The following RYR1 variants were observed in gnomAD, a reference collection of about 807,000 sequenced individuals.
RYR1 encodes central core disease of muscle.
In RYR1, 342 loss-of-function variants were observed where a neutral mutation model predicts 583.5. The observed-to-expected ratio is 0.59, with a 90% CI of 0.54 to 0.64. The LOEUF (loss-of-function observed/expected upper bound fraction) is 0.64. RYR1 is among the 30% of genes least tolerant of loss of function. The probability of loss-of-function intolerance (pLI) is 0.00; values close to 1 mark genes in which losing one functional copy is unlikely to be tolerated. For synonymous variants in RYR1, 2,791 were observed against 2,822.5 expected (o/e 0.99, Z 0.35); for missense variants, 6,032 against 6,917.2 (o/e 0.87, Z 4.54).
chr19:38,566,448 C>CAA (rs71165563), intron 91 of RYR1, among the ~76,000 whole-genome samples: 1,433 of 50,982 alleles, frequency 0.028, 136 homozygotes, highest in East Asian at 0.078. Flanking sequence ...GACTCTGTCT[C>CAA]AAAAAAAAAA....
rs141444525 is a variant in RYR1, at chr19:38,459,173, C to T, written c.2195C>T (p.Pro732Leu). 7.4e-6 allele frequency: 12 copies of T among 1,613,770 alleles called. No homozygotes were observed. Among genetic ancestry groups the T allele is most frequent in the Admixed American group, 6.7e-5 (4 of 60,012 alleles). ...CACGTGGCACGCCCAGTGACTTCCC[C>T]AGGGCAGCACCTCCTGGCCCCTGAA... ...TGHVARPVTS[P>L]GQHLLAPEDV... Residue 732 changes from proline (P) to leucine (L), a missense_variant, in exon 19 of 106, where the codon CCA (proline) becomes CTA (leucine). By Grantham distance (98) the Pro-to-Leu change is moderately conservative. Coordinates refer to ENST00000359596, the MANE Select transcript of RYR1 (RefSeq NM_000540.3).
At chr19:38,487,265 CCTT>C (rs1307854580) in intron 34 of RYR1, among the ~76,000 whole-genome samples, 1 of 152,178 alleles carries the variant, frequency 6.6e-6, no homozygotes, top group Non-Finnish European at 1.5e-5. Context: ...CGTTCCCTAT[CCTT>C]CTCTCCATCC....
chr19:38,492,744 T>C (rs1969613393), intron 38 of RYR1, 108 bp downstream of exon 38: 2 of 1,200,294 alleles, frequency 1.7e-6, no homozygotes, highest in East Asian at 2.6e-5. Context: ...AAGGGAGGGG[T>C]AGATAGGCAG....
Position 38,502,655 on chromosome 19 carries a change from G to C in RYR1, c.7763G>C (p.Arg2588Pro). 4 of 1,612,382 alleles carry C rather than the reference G, an allele frequency of 2.5e-6. No individual in the cohort carries two copies. The highest frequency in any genetic ancestry group is 3.4e-6 in the Non-Finnish European group (4 of 1,179,898). ...GACTCTATGCTGCATACCGTGTACC[G>C]CCTGTCTCGGGGTCGTTCGCTCACC... ...MVDSMLHTVY[R>P]LSRGRSLTKA... The change falls in exon 48 of 106, where the codon CGC (arginine) becomes CCC (proline). Residue 2588 changes from arginine to proline, a missense_variant. By Grantham distance (103) the Arg-to-Pro change is moderately radical. Coordinates refer to ENST00000359596, the MANE Select transcript of RYR1 (RefSeq NM_000540.3).
At chr19:38,518,201 AAGGAAGGC>A (rs891511223) in intron 66 of RYR1, among the ~76,000 whole-genome samples, 40 of 151,774 alleles carry the variant, frequency 2.6e-4, no homozygotes, top group African/African-American at 9.7e-4. Flanking sequence ...GGAAAGAAGG[AAGGAAGGC>A]AGGAAGGAAG....
Position 38,565,627 on chromosome 19 carries a change from G to A in RYR1, c.13293G>A (p.Pro4431=), listed in dbSNP as rs1161719553. The part of the protein sequence containing the change: ...DEEEAVHEAG[P]GGADGAVAVT... ...AGGAGGCGGTGCACGAGGCCGGGCC[G>A]GGCGGTGCCGACGGGGCGGTGGCCG... Residue 4431 remains proline (P), a synonymous_variant, in exon 91 of 106, where the codon CCG becomes CCA. Coordinates refer to ENST00000359596, the MANE Select transcript of RYR1 (RefSeq NM_000540.3). This position sits in a 1 kb window ranked among gnomAD's most constrained non-coding sequence, Gnocchi z 4.7. 33 of 1,405,190 alleles carry A rather than the reference G, an allele frequency of 2.3e-5. No individual in the cohort carries two copies. The highest frequency in any genetic ancestry group is 3.0e-5 in the East Asian group (1 of 33,604). The allele number at this position is 1,405,190 out of a possible 1,614,324, so 87.0% of individuals were successfully genotyped here. A position where few individuals can be genotyped will look rare whatever the true frequency, so the allele number is the denominator to read the frequency against.
intron 90 of RYR1, among the ~76,000 whole-genome samples, chr19:38,563,846 G>A (rs1431602867): frequency 1.3e-5 from 2 of 152,216 alleles, no homozygotes; most frequent in Non-Finnish European, 2.9e-5. Flanking sequence ...CTCTCTGGGG[G>A]TTCGAATCCT....
At chr19:38,519,017 A>G (rs900952977) in intron 66 of RYR1, among the ~76,000 whole-genome samples, 197 bp from the exon 67 acceptor site, 11 of 151,706 alleles carry the variant, frequency 7.3e-5, no homozygotes, top group Non-Finnish European at 1.6e-4. Context: ...GTCACAGGAT[A>G]GGGACTGGGT....
intron 84 of RYR1, among the ~76,000 whole-genome samples, chr19:38,538,829 A>T (rs1353636603): frequency 6.6e-6 from 1 of 152,366 alleles, no homozygotes; most frequent in East Asian, 1.9e-4. Context: ...AACATCAATG[A>T]TGAGAAATGC....
Position 38,458,208 on chromosome 19 carries a change from C to A in RYR1, c.2083C>A (p.Pro695Thr). Reference protein sequence around the residue: ...WALTEGYTPYPGAGEGWGGNG... With the variant: ...WALTEGYTPYTGAGEGWGGNG... ...CCTCACCGAGGGCTACACCCCCTAC[C>A]CTGGGGCCGGCGAGGGCTGGGGCGG... Residue 695 changes from proline to threonine, a missense_variant, in exon 18 of 106, where the codon CCT becomes ACT. Around this residue, in one of 11 missense-constraint regions of RYR1, gnomAD observed 2,627 missense variants for 2,961.3 expected, o/e 0.89. Coordinates refer to ENST00000359596, the MANE Select transcript of RYR1 (RefSeq NM_000540.3). 6.2e-7 allele frequency: 1 copy of A among 1,613,970 alleles called. No individual in the cohort carries two copies. Among genetic ancestry groups the A allele is most frequent in the Non-Finnish European group, 8.5e-7 (1 of 1,180,020 alleles).
At position 38,464,764 on chromosome 19, in the gene RYR1, G is replaced by A. The variant is rs745419168; in HGVS notation, c.2870+42G>A. On this transcript the variant is annotated intron_variant, in intron 23 of 105. Transcript: ENST00000359596. ...AGGTCCCGTCTGGGGATGGACTGGG[G>A]GCTGGGGATGCTGTGCTAAGGGCTG... is the stretch of plus-strand genomic sequence containing the variant. The A allele has an allele frequency of 2.0e-6, 3 of 1,528,202 alleles. No homozygotes were observed. The South Asian group carries it at 3.6e-5, about 18-fold the overall frequency. 94.7% of individuals were successfully genotyped at this position (1,528,202 alleles called of 1,614,324 possible). A position where few individuals can be genotyped will look rare whatever the true frequency, so the allele number is the denominator to read the frequency against.
In RYR1 at chr19:38,500,754, G is replaced by C; in HGVS notation, c.7444+28G>C. The C allele has an allele frequency of 1.2e-6, 2 of 1,614,144 alleles. No individual in the cohort carries two copies. The highest frequency in any genetic ancestry group is 1.7e-6 in the Non-Finnish European group (2 of 1,180,028). On this transcript the variant is annotated intron_variant, in intron 46 of 105. Transcript: ENST00000359596. This position sits in a 1 kb window ranked among gnomAD's most constrained non-coding sequence, Gnocchi z 5.9. ...GCAGAGGGGATGGAACTTGGCGAAGGAGTGATGCTGGGGAGGGAGCGGCTG... is the reference window on the plus strand; with the variant it reads ...GCAGAGGGGATGGAACTTGGCGAAGCAGTGATGCTGGGGAGGGAGCGGCTG...
rs1972823310 is a variant in RYR1 at position 38,444,080 on chromosome 19, G to A, written c.425-69G>A. ...GGGCCCGGGAGGCCTGGTGGAGGGA[G>A]AGCCCTGGGGAAGAGCATTCTGGGA... On this transcript the variant is annotated intron_variant, in intron 5 of 105. Coordinates refer to ENST00000359596, the MANE Select transcript of RYR1 (RefSeq NM_000540.3). This position sits in a 1 kb window ranked among gnomAD's most constrained non-coding sequence, Gnocchi z 5.1. The A allele has an allele frequency of 4.5e-6, 6 of 1,346,426 alleles. No individual in the cohort carries two copies. In the South Asian group the frequency reaches 5.8e-5, roughly 13 times the overall value. The allele number at this position is 1,346,426 out of a possible 1,614,324, so 83.4% of individuals were successfully genotyped here.
intron 105 of RYR1, among the ~76,000 whole-genome samples, chr19:38,586,902 C>T (rs377667901): frequency 6.6e-6 from 1 of 152,018 alleles, no homozygotes; most frequent in Non-Finnish European, 1.5e-5. Context: ...ACCCAGGAGG[C>T]AGAAGTTGCA....
At chr19:38,490,506 C>T in intron 36 of RYR1, 115 bp from the exon 37 acceptor site, 1 of 818,858 alleles carries the variant, frequency 1.2e-6, no homozygotes, top group Non-Finnish European at 2.1e-6. Flanking sequence ...TTCATTAACT[C>T]ACACTTCGAC....
At chr19:38,452,722 G>A (rs1274368369) in intron 12 of RYR1, 97 bp from the exon 13 acceptor site, 2 of 1,107,358 alleles carry the variant, frequency 1.8e-6, no homozygotes, top group African/African-American at 1.6e-5. Flanking sequence ...TGTAAAACGG[G>A]TGGGTCTGGG....
chr19:38,455,601 C>T (rs528450368), intron 15 of RYR1, 32 bp from the exon 16 acceptor site: 32 of 1,609,414 alleles, frequency 2.0e-5, no homozygotes, highest in South Asian at 1.2e-4. Context: ...TGGGCATGGC[C>T]GCTTCACCTC....
At position 38,440,813 on chromosome 19, in the gene RYR1, C is replaced by T. The variant is rs150794120; in HGVS notation, c.114C>T (p.Ala38=). Residue 38 remains alanine, a synonymous_variant, in exon 2 of 106, where the codon GCC becomes GCT. Transcript: ENST00000359596. ...AGCAGCTCAAGCTCTGCCTGGCCGCCGAGGGCTTCGGCAACCGCCTGTGCT... is the reference window on the plus strand; with the variant it reads ...AGCAGCTCAAGCTCTGCCTGGCCGCTGAGGGCTTCGGCAACCGCCTGTGCT... The part of the protein sequence containing the change: ...LKEQLKLCLA[A]EGFGNRLCFL... 97 of 1,609,288 alleles carry T rather than the reference C, an allele frequency of 6.0e-5. No homozygotes were observed. The highest frequency in any genetic ancestry group is 3.4e-4 in the Middle Eastern group (2 of 5,864).
chr19:38,586,699 G>A lies in RYR1; in HGVS notation c.15021+123G>A, dbSNP rs556315511. The A allele has an allele frequency of 7.0e-5, 68 of 968,834 alleles. 1 individual carries two copies. Among genetic ancestry groups the A allele is most frequent in the African/African-American group, 1.9e-4 (12 of 62,306 alleles). 60.0% of individuals were successfully genotyped at this position (968,834 alleles called of 1,614,324 possible). ...AGGGTTAGGGCTGGGGGCTGGGCAC[G>A]GCGGCTCACGCCTGTAATCCCAACA... On this transcript the variant is annotated intron_variant, in intron 105 of 105. Transcript: ENST00000359596.
Sources: gnomAD v4.1 joint callset for allele counts (sites outside exome capture counted in the v4.1 genomes callset) on GRCh38, gnomAD v4.1.1 for gene constraint, gnomAD v4.1.1 regional missense constraint, Gnocchi (gnomAD v3.1) non-coding constraint, MANE v1.5 for transcripts, NCBI Gene and HGNC (gene_info 2026-07-23, HGNC 2026-07-21) for gene names.